The following SLC4A4 variants were observed in gnomAD, a reference collection of about 807,000 sequenced individuals.
SLC4A4 encodes solute carrier family 4 member 4.
Under a neutral mutation model 111.5 loss-of-function variants are expected in SLC4A4, and 27 were observed. The observed-to-expected ratio is 0.24, with a 90% CI of 0.18 to 0.33. The LOEUF (loss-of-function observed/expected upper bound fraction) is 0.33, where lower values mean the gene tolerates loss of function less well. Ranked by LOEUF, SLC4A4 falls within the 10% of genes least tolerant of loss-of-function variation. The pLI is 1.00. For synonymous variants in SLC4A4, 443 were observed against 463.4 expected (o/e 0.96, Z 0.57); for missense variants, 909 against 1,315.5 (o/e 0.69, Z 4.78).
intron 3 of SLC4A4, among the ~76,000 whole-genome samples, chr4:71,258,878 T>G (rs1423654766): frequency 6.6e-6 from 1 of 152,158 alleles, no homozygotes; most frequent in Non-Finnish European, 1.5e-5. Flanking sequence ...AGGTGAGGGA[T>G]GAAACTGAAC....
chr4:71,299,374 C>G lies in SLC4A4; in HGVS notation c.254-39996C>G, dbSNP rs79612076. Among the ~76,000 whole-genome samples, 8 of 152,308 alleles carry G rather than the reference C, an allele frequency of 5.3e-5. No individual in the cohort carries two copies. The East Asian group carries it at 1.5e-3, about 29-fold the overall frequency. The stretch of plus-strand genomic sequence containing the variant: ...AAAGACATTGATTGAGCTACAGGTA[C>G]CTGGTCAGACATTGAGAGACCTGTA... On this transcript the variant is annotated intron_variant, in intron 3 of 25. Coordinates refer to ENST00000264485, the MANE Select transcript of SLC4A4 (RefSeq NM_001098484.3).
intron 21 of SLC4A4, among the ~76,000 whole-genome samples, chr4:71,555,605 A>G (rs1035509806): frequency 6.6e-6 from 1 of 151,912 alleles, no homozygotes; most frequent in Non-Finnish European, 1.5e-5. Context: ...CAGGCTATTG[A>G]TTTGCTTTTC....
chr4:71,281,339 A>G (rs2149091985), intron 3 of SLC4A4, among the ~76,000 whole-genome samples: 1 of 152,328 alleles, frequency 6.6e-6, no homozygotes, highest in East Asian at 1.9e-4. Context: ...CAACAAGAGT[A>G]CGTTTGGTTT....
intron 16 of SLC4A4, among the ~76,000 whole-genome samples, chr4:71,520,403 T>C (rs1732821270): frequency 6.6e-6 from 1 of 152,234 alleles, no homozygotes; most frequent in African/African-American, 2.4e-5. Context: ...AAGTACTCAA[T>C]ACTTCTTGAC....
chr4:71,483,848 A>G (rs1452914438), intron 14 of SLC4A4, among the ~76,000 whole-genome samples: 1 of 151,578 alleles, frequency 6.6e-6, no homozygotes, highest in African/African-American at 2.4e-5. Context: ...ATTTTTTGAC[A>G]TTTTAGTAAT....
chr4:71,507,875 G>A (rs995838205), intron 16 of SLC4A4, among the ~76,000 whole-genome samples: 2 of 152,094 alleles, frequency 1.3e-5, no homozygotes, highest in African/African-American at 2.4e-5. Context: ...CAAAAGAACT[G>A]AAATCATAAC....
At chr4:71,388,416 A>T (rs1280534518) in intron 6 of SLC4A4, among the ~76,000 whole-genome samples, 3 of 152,122 alleles carry the variant, frequency 2.0e-5, no homozygotes, top group East Asian at 1.9e-4. Context: ...TCCAGTCTTT[A>T]TATGTCTTTT....
At chr4:71,397,799 A>T in intron 7 of SLC4A4, 146 bp downstream of exon 7, 1 of 745,446 alleles carries the variant, frequency 1.3e-6, no homozygotes, top group Non-Finnish European at 2.4e-6. Flanking sequence ...CAGAAGGAGA[A>T]GCAGTGTGTG....
intron 1 of SLC4A4, among the ~76,000 whole-genome samples, chr4:71,226,216 G>A (rs1413117800): frequency 6.6e-6 from 1 of 152,084 alleles, no homozygotes; most frequent in African/African-American, 2.4e-5. Context: ...CGATTGTAAC[G>A]CACTACAGCC....
chr4:71,165,454 C>T (rs1196617239), intron 2 of SLC4A4, among the ~76,000 whole-genome samples: 1 of 152,072 alleles, frequency 6.6e-6, no homozygotes, highest in Non-Finnish European at 1.5e-5. Flanking sequence ...AACAGAGGAA[C>T]AGAAAACCAA....
At chr4:71,266,952 T>C (rs1452758531) in intron 3 of SLC4A4, among the ~76,000 whole-genome samples, 2 of 152,122 alleles carry the variant, frequency 1.3e-5, no homozygotes, top group Admixed American at 6.5e-5. Context: ...ATAACACAAA[T>C]CAGATAAATT....
chr4:71,374,866 ATTTATAATCAGACTC>A (rs1248525879), intron 6 of SLC4A4, among the ~76,000 whole-genome samples: 1 of 151,974 alleles, frequency 6.6e-6, no homozygotes, highest in Non-Finnish European at 1.5e-5. Context: ...TGTGTGATAT[ATTTATAATCAGACTC>A]TCCTGCTCAT....
chr4:71,089,960 T>C (rs12642256), intron 1 of SLC4A4, among the ~76,000 whole-genome samples: 38,060 of 85,204 alleles, frequency 0.45, 11,743 homozygotes, highest in East Asian at 0.66. Flanking sequence ...GAGAATTCTG[T>C]TGCCTTTTGT....
chr4:71,343,640 A>G (rs976156037), intron 4 of SLC4A4, among the ~76,000 whole-genome samples: 1 of 152,198 alleles, frequency 6.6e-6, no homozygotes, highest in Non-Finnish European at 1.5e-5. Context: ...AGATATTCAC[A>G]TATTCAGAGA....
intron 16 of SLC4A4, among the ~76,000 whole-genome samples, chr4:71,530,537 T>A (rs1578124322): frequency 6.6e-6 from 1 of 152,208 alleles, no homozygotes; most frequent in East Asian, 1.9e-4. Flanking sequence ...TTATTGTGTA[T>A]AATTGATGTT....
chr4:71,187,174 G>A (rs1745494458), upstream of SLC4A4: 1 of 152,032 alleles, frequency 6.6e-6, no homozygotes, highest in Admixed American at 6.6e-5. Flanking sequence ...TCCGCGCCCG[G>A]CGCAGACAAC....
At chr4:71,566,761 T>G (rs1178531489) in intron 24 of SLC4A4, among the ~76,000 whole-genome samples, 1 of 151,824 alleles carries the variant, frequency 6.6e-6, no homozygotes, top group African/African-American at 2.4e-5. Flanking sequence ...AATGATTTGC[T>G]TCTTATCCTT....
At chr4:71,534,490 A>G (rs1198325326) in intron 18 of SLC4A4, 102 bp downstream of exon 18, 13 of 1,101,308 alleles carry the variant, frequency 1.2e-5, no homozygotes, top group South Asian at 1.3e-5. Context: ...GGGAGTTACT[A>G]TAGCTAATGT....
intron 4 of SLC4A4, among the ~76,000 whole-genome samples, chr4:71,345,717 C>G (rs1729269975): frequency 6.6e-6 from 1 of 152,114 alleles, no homozygotes; most frequent in African/African-American, 2.4e-5. Context: ...CTCTCCCAGT[C>G]TACACTGACT....
Sources: allele counts gnomAD v4.1 joint callset (sites outside exome capture counted in the v4.1 genomes callset), GRCh38; gene constraint gnomAD v4.1.1; transcripts MANE v1.5; gene names NCBI Gene and HGNC (gene_info 2026-07-23, HGNC 2026-07-21).